The following CDK14 variants were observed in gnomAD, a reference collection of about 807,000 sequenced individuals.
CDK14 encodes cyclin dependent kinase 14, also known as cyclin-dependent kinase 14.
A neutral mutation model predicts 60.7 loss-of-function variants in CDK14; 34 were observed. The observed-to-expected ratio is 0.56, with a 90% CI of 0.43 to 0.75. The LOEUF (loss-of-function observed/expected upper bound fraction) is 0.75. CDK14 is among the 30% of genes least tolerant of loss of function. The pLI, the probability that CDK14 is intolerant of heterozygous loss-of-function variation, is 0.00. For missense variants in CDK14, 482 were observed against 564.1 expected, an observed-to-expected ratio of 0.85 and a Z score of 1.47; for synonymous variants, 197 against 203.7, an observed-to-expected ratio of 0.97 and a Z score of 0.28.
At chr7:91,161,891 T>G (rs1801176660) in intron 14 of CDK14, among the ~76,000 whole-genome samples, 1 of 152,234 alleles carries the variant, frequency 6.6e-6, no homozygotes, top group African/African-American at 2.4e-5. Context: ...CAATAATTTC[T>G]AATAAAGTTC....
chr7:91,154,140 G>A (rs1484498876), intron 14 of CDK14, among the ~76,000 whole-genome samples: 1 of 151,246 alleles, frequency 6.6e-6, no homozygotes, highest in Non-Finnish European at 1.5e-5. Flanking sequence ...ATATTTCCAG[G>A]TTTTAGGGGT....
At chr7:90,772,624 C>T (rs930814642) in intron 4 of CDK14, among the ~76,000 whole-genome samples, 9 of 152,162 alleles carry the variant, frequency 5.9e-5, no homozygotes, top group Non-Finnish European at 1.2e-4. Flanking sequence ...GAGGAACGTG[C>T]TTGCTTCCCC....
chr7:90,732,148 A>C (rs1802891780), intron 3 of CDK14, among the ~76,000 whole-genome samples: 1 of 152,102 alleles, frequency 6.6e-6, no homozygotes, highest in Admixed American at 6.5e-5. Context: ...ACATTTATTG[A>C]TTGGCTTATG....
At chr7:91,083,485 A>G (rs576977023) in intron 12 of CDK14, among the ~76,000 whole-genome samples, 1 of 152,300 alleles carries the variant, frequency 6.6e-6, no homozygotes, top group Non-Finnish European at 1.5e-5. Context: ...CTGACCCTGC[A>G]CTGCCATACA....
intron 10 of CDK14, among the ~76,000 whole-genome samples, chr7:91,010,801 TTTCCTTCC>T (rs1253624022): frequency 0.018 from 1,519 of 86,118 alleles, 47 homozygotes; most frequent in African/African-American, 0.069. Context: ...TCCTTCCTTC[TTTCCTTCC>T]TTCCTTCCTT....
intron 10 of CDK14, among the ~76,000 whole-genome samples, chr7:90,987,383 T>G (rs983463994): frequency 6.6e-6 from 1 of 152,058 alleles, no homozygotes; most frequent in Admixed American, 6.5e-5. Flanking sequence ...ATGGCAATAA[T>G]TCTTTCATTT....
At chr7:90,614,855 C>T (rs1425799524) in intron 2 of CDK14, among the ~76,000 whole-genome samples, 1 of 151,764 alleles carries the variant, frequency 6.6e-6, no homozygotes, top group Admixed American at 6.6e-5. Context: ...ATTTATTTTG[C>T]CTTGGTAAGT....
At chr7:90,953,691 T>G (rs1269843834) in intron 8 of CDK14, among the ~76,000 whole-genome samples, 1 of 152,184 alleles carries the variant, frequency 6.6e-6, no homozygotes, top group Non-Finnish European at 1.5e-5. Flanking sequence ...CCTTCTGGCT[T>G]AGCTTTCTGA....
At chr7:90,817,282 C>T (rs920400130) in intron 5 of CDK14, among the ~76,000 whole-genome samples, 2 of 152,050 alleles carry the variant, frequency 1.3e-5, no homozygotes, top group Non-Finnish European at 2.9e-5. Flanking sequence ...TGGACACATG[C>T]CATTTCAGTC....
chr7:90,777,032 G>GTC (rs1805078879), intron 4 of CDK14, among the ~76,000 whole-genome samples: 1 of 145,944 alleles, frequency 6.9e-6, no homozygotes, highest in Non-Finnish European at 1.5e-5. Flanking sequence ...AAAAAAAAAA[G>GTC]TCATACTTAA....
chr7:90,941,146 T>C (rs541844825), intron 8 of CDK14, among the ~76,000 whole-genome samples: 1 of 152,168 alleles, frequency 6.6e-6, no homozygotes, highest in African/African-American at 2.4e-5. Context: ...AACTTGTAAC[T>C]TCAGTAATCA....
chr7:90,832,124 T>G (rs553967893), intron 5 of CDK14, among the ~76,000 whole-genome samples: 2 of 152,182 alleles, frequency 1.3e-5, no homozygotes, highest in Non-Finnish European at 2.9e-5. Context: ...CTAGTTCCAG[T>G]CACTCTATGG....
chr7:91,103,361 A>T (rs556558696), intron 12 of CDK14, among the ~76,000 whole-genome samples: 1 of 151,998 alleles, frequency 6.6e-6, no homozygotes, highest in African/African-American at 2.4e-5. Flanking sequence ...TCCACTTTCC[A>T]TTCCATCTTT....
chr7:91,041,565 A>C (rs1376970160), intron 10 of CDK14, among the ~76,000 whole-genome samples: 2 of 152,194 alleles, frequency 1.3e-5, no homozygotes, highest in Non-Finnish European at 2.9e-5. Flanking sequence ...CTCACTATGC[A>C]CACACACAAA....
intron 2 of CDK14, among the ~76,000 whole-genome samples, chr7:90,624,522 G>C (rs977170122): frequency 1.3e-5 from 2 of 152,172 alleles, no homozygotes; most frequent in Non-Finnish European, 2.9e-5. Context: ...TACCTCAAGA[G>C]CCAACAGCTC....
chr7:91,023,575 G>T (rs759372420), intron 10 of CDK14, among the ~76,000 whole-genome samples: 45 of 152,146 alleles, frequency 3.0e-4, no homozygotes, highest in Admixed American at 9.2e-4. Flanking sequence ...TTTCTGAGGA[G>T]TTCAATTATA....
intron 8 of CDK14, among the ~76,000 whole-genome samples, chr7:90,950,162 C>T (rs1794213325): frequency 1.3e-5 from 2 of 152,234 alleles, no homozygotes; most frequent in East Asian, 1.9e-4. Context: ...CTGCAACCTC[C>T]GCCTCCTGGG....
chr7:90,751,334 AACCTT>A (rs547731574), intron 4 of CDK14, among the ~76,000 whole-genome samples: 44 of 152,220 alleles, frequency 2.9e-4, no homozygotes, highest in Non-Finnish European at 3.4e-4. Flanking sequence ...TCTCAGAAGA[AACCTT>A]ACAAGCCAGG....
At chr7:91,120,872 C>T (rs1799763678) in intron 14 of CDK14, among the ~76,000 whole-genome samples, 1 of 152,132 alleles carries the variant, frequency 6.6e-6, no homozygotes, top group African/African-American at 2.4e-5. Flanking sequence ...GTGTAGTTTT[C>T]TTCCCATCCA....
Sources: allele counts gnomAD v4.1 joint callset (sites outside exome capture counted in the v4.1 genomes callset), GRCh38; gene constraint gnomAD v4.1.1; transcripts MANE v1.5; gene names NCBI Gene and HGNC (gene_info 2026-07-23, HGNC 2026-07-21).